Variants in KPNA4 observed in about 807,000 individuals in gnomAD.
KPNA4 encodes the protein karyopherin subunit alpha 4.
KPNA4 carries 13 observed loss-of-function variants against 71.3 expected under a neutral mutation model. The observed-to-expected ratio is 0.18, with a 90% CI of 0.12 to 0.29. KPNA4 has a LOEUF of 0.29. Among genes scored for constraint, KPNA4 ranks in the 10% least tolerant of loss-of-function variants. The pLI is 1.00. For synonymous variants in KPNA4, 189 were observed against 195.2 expected (o/e 0.97, Z 0.26); for missense variants, 334 against 603.2 (o/e 0.55, Z 4.67).
In KPNA4 at chr3:160,496,968, TAA is replaced by T. The variant is rs1333003968; in HGVS notation, c.*5134_*5135del. 6.6e-6 allele frequency: 1 copy of T among 152,210 alleles called. No individual in the cohort carries two copies. The highest frequency in any genetic ancestry group is 6.5e-5 in the Admixed American group (1 of 15,272). The allele number at this position is 152,210 out of a possible 1,614,324, so 9.4% of individuals were successfully genotyped here. A position where few individuals can be genotyped will look rare whatever the true frequency, so the allele number is the denominator to read the frequency against. ...TCAAGATTATTGTTAACTTCTGGGTTAAGTGTTTAGGGAAAAAAATGTTAAAT... is the reference window on the plus strand; with the variant it reads ...TCAAGATTATTGTTAACTTCTGGGTTGTGTTTAGGGAAAAAAATGTTAAAT... On this transcript the variant is annotated 3_prime_UTR_variant, in exon 17 of 17. Transcript: ENST00000334256.
At chr3:160,558,327 A>G (rs1314212376) in intron 1 of KPNA4, among the ~76,000 whole-genome samples, 1 of 152,184 alleles carries the variant, frequency 6.6e-6, no homozygotes, top group Admixed American at 6.5e-5. Context: ...GTACAAGAGG[A>G]ATTTTGTAAG....
intron 11 of KPNA4, among the ~76,000 whole-genome samples, chr3:160,518,809 C>T (rs1721286273): frequency 6.6e-6 from 1 of 151,918 alleles, no homozygotes; most frequent in South Asian, 2.1e-4. Context: ...TGTAATGAGC[C>T]GAGATCATGC....
chr3:160,546,195 G>C (rs989282720), intron 1 of KPNA4, among the ~76,000 whole-genome samples: 3 of 152,202 alleles, frequency 2.0e-5, no homozygotes, highest in East Asian at 3.9e-4. Flanking sequence ...AAGACTAAGA[G>C]AGAAATCAGT....
rs575600299 is a variant in KPNA4, at chr3:160,519,749, T to G, written c.903+2030A>C. ...AGCGGAGCTTGCAGTGAGCCGAGAT[T>G]GTGCCACTGCAGTCCGCAGTCCGGC... On this transcript the variant is annotated intron_variant, in intron 11 of 16. Coordinates refer to ENST00000334256, the MANE Select transcript of KPNA4 (RefSeq NM_002268.5). Among the ~76,000 whole-genome samples the G allele has an allele frequency of 7.4e-4, 105 of 141,564 alleles. 1 individual carries two copies. The highest frequency in any genetic ancestry group is 2.7e-3 in the African/African-American group (102 of 37,334). 92.9% of individuals were successfully genotyped at this position (141,564 alleles called of 152,430 possible).
At chr3:160,553,951 CT>C (rs1331352867) in intron 1 of KPNA4, among the ~76,000 whole-genome samples, 1 of 152,202 alleles carries the variant, frequency 6.6e-6, no homozygotes. Flanking sequence ...ACTGAGAGAT[CT>C]TACAGATCTG....
intron 5 of KPNA4, among the ~76,000 whole-genome samples, chr3:160,531,885 T>G (rs1366602301): frequency 6.6e-6 from 1 of 152,166 alleles, no homozygotes; most frequent in Non-Finnish European, 1.5e-5. Flanking sequence ...CTCTGCCTTC[T>G]GGGTTCCAGT....
intron 1 of KPNA4, among the ~76,000 whole-genome samples, chr3:160,538,713 C>T (rs1319186919): frequency 1.3e-5 from 2 of 152,104 alleles, no homozygotes; most frequent in African/African-American, 4.8e-5. Flanking sequence ...ACTGCTTGGA[C>T]CTTAGCTCCT....
In KPNA4 at chr3:160,508,236, G is replaced by T; in HGVS notation, c.1243C>A (p.Pro415Thr). ...AYLIQQNVIPPFCNLLTVKDA... is the reference protein window; with the variant it reads ...AYLIQQNVIPTFCNLLTVKDA... ...TTTACAGTCAGCAAGTTGCAAAAAG[G>T]TGGGATAACATTTTGTTGGATAAGG... The change falls in exon 15 of 17, where the codon CCT becomes ACT. Residue 415 changes from proline (P) to threonine (T), a missense_variant. Pro to Thr is a conservative substitution (Grantham distance 38, BLOSUM62 -1). Coordinates refer to ENST00000334256, the MANE Select transcript of KPNA4 (RefSeq NM_002268.5). 1 of 1,610,872 alleles carries T rather than the reference G, an allele frequency of 6.2e-7. No homozygotes were observed. The highest frequency in any genetic ancestry group is 1.1e-5 in the South Asian group (1 of 90,326).
intron 11 of KPNA4, among the ~76,000 whole-genome samples, chr3:160,519,801 CAAAAAAAA>C (rs558355699): frequency 2.9e-4 from 24 of 83,688 alleles, no homozygotes; most frequent in African/African-American, 9.1e-4. Flanking sequence ...GACTCCGTCT[CAAAAAAAA>C]AAAAAAAAAA....
At chr3:160,547,291 A>T (rs1721932948) in intron 1 of KPNA4, among the ~76,000 whole-genome samples, 1 of 152,150 alleles carries the variant, frequency 6.6e-6, no homozygotes. Context: ...TTTCTCTGCC[A>T]AATGCAACCA....
intron 6 of KPNA4, 96 bp downstream of exon 6, chr3:160,531,366 T>C (rs1721570476): frequency 4.9e-6 from 3 of 617,452 alleles, no homozygotes; most frequent in Non-Finnish European, 7.7e-6. Context: ...ATAGCCCTTT[T>C]CTTCTTTCTT....
chr3:160,508,707 C>T lies in KPNA4; in HGVS notation c.1210-438G>A, dbSNP rs1048914674. 4.3e-4 allele frequency among the ~76,000 whole-genome samples: 65 copies of T among 151,756 alleles called. 1 individual carries two copies. Among genetic ancestry groups the T allele is most frequent in the African/African-American group, 1.4e-3 (59 of 41,332 alleles). On this transcript the variant is annotated intron_variant, in intron 14 of 16. Coordinates refer to ENST00000334256, the MANE Select transcript of KPNA4 (RefSeq NM_002268.5). The stretch of plus-strand genomic sequence containing the variant: ...TATTTATTTATTTAATATATAGAGA[C>T]GGGGGTCTCACTATGTTGCCCAGGC...
At chr3:160,518,827 C>T (rs533512169) in intron 11 of KPNA4, among the ~76,000 whole-genome samples, 2 of 152,214 alleles carry the variant, frequency 1.3e-5, no homozygotes, top group South Asian at 4.2e-4. Context: ...TGCCATTGCA[C>T]TCCAGCCTGG....
chr3:160,546,330 C>CA (rs1264309832), intron 1 of KPNA4, among the ~76,000 whole-genome samples: 3 of 152,126 alleles, frequency 2.0e-5, no homozygotes, highest in Admixed American at 6.5e-5. Flanking sequence ...CCAGCCTGGG[C>CA]AACATGGCGA....
At chr3:160,519,894 G>A (rs1721311038) in intron 11 of KPNA4, among the ~76,000 whole-genome samples, 1 of 151,798 alleles carries the variant, frequency 6.6e-6, no homozygotes, top group Non-Finnish European at 1.5e-5. Context: ...AATAAATTTG[G>A]AGGAGTAGAG....
intron 15 of KPNA4, among the ~76,000 whole-genome samples, chr3:160,506,336 T>G (rs1720984238): frequency 1.3e-5 from 2 of 152,004 alleles, no homozygotes; most frequent in Admixed American, 1.3e-4. Flanking sequence ...ACCCAGCTAA[T>G]GTTTCATATT....
chr3:160,536,956 T>C, intron 1 of KPNA4, 116 bp from the exon 2 acceptor site: 1 of 492,644 alleles, frequency 2.0e-6, no homozygotes, highest in South Asian at 4.3e-5. Flanking sequence ...GCCATATGGA[T>C]ATAAAGTCAA....
chr3:160,538,133 GTATGTATA>G (rs966793366), intron 1 of KPNA4, among the ~76,000 whole-genome samples: 2 of 149,078 alleles, frequency 1.3e-5, no homozygotes, highest in Admixed American at 6.7e-5. Flanking sequence ...GTATATATAT[GTATGTATA>G]TATGTATATA....
intron 16 of KPNA4, 58 bp downstream of exon 16, chr3:160,504,897 TTAC>T (rs1321975631): frequency 2.8e-6 from 2 of 712,380 alleles, no homozygotes; most frequent in African/African-American, 3.7e-5. Flanking sequence ...ACTATATATA[TTAC>T]TTTATCCAGA....
Sources: allele counts gnomAD v4.1 joint callset (sites outside exome capture counted in the v4.1 genomes callset), GRCh38; gene constraint gnomAD v4.1.1; transcripts MANE v1.5; gene names NCBI Gene and HGNC (gene_info 2026-07-23, HGNC 2026-07-21).